RCOR1: variants seen among roughly 807,000 people sequenced by gnomAD.
The protein encoded by RCOR1 is REST corepressor.
In RCOR1, 12 loss-of-function variants were observed where a neutral mutation model predicts 64.0. The observed-to-expected ratio is 0.19, with a 90% CI of 0.12 to 0.30. The LOEUF (loss-of-function observed/expected upper bound fraction) is 0.30. Ranked by LOEUF, RCOR1 falls within the 10% of genes least tolerant of loss-of-function variation. RCOR1 has a pLI of 1.00. For missense variants in RCOR1, 502 were observed against 621.2 expected, an observed-to-expected ratio of 0.81 and a Z score of 2.04; for synonymous variants, 279 against 227.2, an observed-to-expected ratio of 1.23 and a Z score of -2.05.
intron 2 of RCOR1, chr14:102,643,178 A>T (rs1283793667): frequency 5.9e-6 from 1 of 170,566 alleles, no homozygotes; most frequent in Non-Finnish European, 1.2e-5. Flanking sequence ...GCTACTTGGC[A>T]GGCTGAGGCA....
At position 102,719,602 on chromosome 14, in the gene RCOR1, G is replaced by A. The variant is rs192695599; in HGVS notation, c.1054-1405G>A. On this transcript the variant is annotated intron_variant, in intron 8 of 11. Transcript: ENST00000262241. ...ACTCATCCTTTTTTATGGCTGCATAGTATTCCATGGTATATATGCAGCCTA... is the reference window on the plus strand; with the variant it reads ...ACTCATCCTTTTTTATGGCTGCATAATATTCCATGGTATATATGCAGCCTA... Among the ~76,000 whole-genome samples, 29 of 151,742 alleles carry A rather than the reference G, an allele frequency of 1.9e-4. No individual in the cohort carries two copies. The East Asian group carries it at 5.0e-3, about 26-fold the overall frequency.
chr14:102,672,768 T>C (rs1693458952), intron 2 of RCOR1, among the ~76,000 whole-genome samples: 1 of 152,188 alleles, frequency 6.6e-6, no homozygotes, highest in South Asian at 2.1e-4. Flanking sequence ...TTGGTGAGGA[T>C]GTGTAGAAAT....
chr14:102,686,595 T>C (rs1246132459), intron 3 of RCOR1, among the ~76,000 whole-genome samples: 2 of 152,226 alleles, frequency 1.3e-5, no homozygotes, highest in Admixed American at 1.3e-4. Flanking sequence ...CACCTGTTCA[T>C]CTCCCTCTCT....
chr14:102,627,052 C>T (rs1893995732), intron 2 of RCOR1, among the ~76,000 whole-genome samples: 1 of 152,136 alleles, frequency 6.6e-6, no homozygotes, highest in South Asian at 2.1e-4. Flanking sequence ...GTTTAAATGT[C>T]TTACTTTAAT....
At chr14:102,668,261 A>G (rs1304093533) in intron 2 of RCOR1, among the ~76,000 whole-genome samples, 1 of 152,242 alleles carries the variant, frequency 6.6e-6, no homozygotes, top group Non-Finnish European at 1.5e-5. Context: ...TTCTGAGGAT[A>G]GTTACTGCTG....
chr14:102,673,134 C>T (rs1895062187), intron 2 of RCOR1, among the ~76,000 whole-genome samples: 1 of 152,172 alleles, frequency 6.6e-6, no homozygotes. Flanking sequence ...TTAAGAATAT[C>T]TTTATTGTAT....
intron 2 of RCOR1, among the ~76,000 whole-genome samples, chr14:102,639,837 TTC>T (rs1894329354): frequency 6.7e-6 from 1 of 148,174 alleles, no homozygotes; most frequent in South Asian, 2.1e-4. Flanking sequence ...AGCCTATTCA[TTC>T]ATTCATTCAT....
At chr14:102,660,916 G>C (rs751854241) in intron 2 of RCOR1, among the ~76,000 whole-genome samples, 6 of 151,870 alleles carry the variant, frequency 4.0e-5, no homozygotes, top group Non-Finnish European at 8.8e-5. Flanking sequence ...AATTGGTTCA[G>C]ATTAGTTTTT....
intron 2 of RCOR1, among the ~76,000 whole-genome samples, chr14:102,624,595 C>G (rs1488344141): frequency 6.6e-6 from 1 of 152,052 alleles, no homozygotes; most frequent in Non-Finnish European, 1.5e-5. Flanking sequence ...GTGAAACACT[C>G]TCTCTACAAA....
chr14:102,701,885 G>A (rs893521509), intron 4 of RCOR1, among the ~76,000 whole-genome samples: 4 of 152,190 alleles, frequency 2.6e-5, no homozygotes, highest in Admixed American at 2.0e-4. Flanking sequence ...ACACCACCAC[G>A]CCTGGCTAAT....
At chr14:102,673,919 T>A (rs1435333572) in intron 2 of RCOR1, among the ~76,000 whole-genome samples, 1 of 152,224 alleles carries the variant, frequency 6.6e-6, no homozygotes, top group Non-Finnish European at 1.5e-5. Context: ...CCAGCCCCCG[T>A]TGATGTATTT....
intron 2 of RCOR1, among the ~76,000 whole-genome samples, chr14:102,606,854 TAAGAATA>T (rs1893519465): frequency 6.6e-6 from 1 of 151,856 alleles, no homozygotes; most frequent in Non-Finnish European, 1.5e-5. Flanking sequence ...CTGAATTTTC[TAAGAATA>T]TGTGCTTGGT....
chr14:102,707,269 TTTTAC>T, intron 4 of RCOR1, 77 bp from the exon 5 acceptor site: 1 of 1,007,358 alleles, frequency 9.9e-7, no homozygotes. Flanking sequence ...ATGAAGTCGT[TTTTAC>T]TTTTCTTTTG....
intron 2 of RCOR1, among the ~76,000 whole-genome samples, chr14:102,668,447 A>G (rs1426095804): frequency 2.6e-5 from 4 of 152,322 alleles, no homozygotes; most frequent in Admixed American, 1.3e-4. Flanking sequence ...GCAATTAACA[A>G]TCTAGTTGGG....
At chr14:102,613,401 CT>C (rs548380570) in intron 2 of RCOR1, among the ~76,000 whole-genome samples, 159 of 149,326 alleles carry the variant, frequency 1.1e-3, no homozygotes, top group African/African-American at 3.6e-3. Flanking sequence ...CGCACCTGGC[CT>C]TTTTTTTTCT....
chr14:102,676,140 T>C (rs1258964106), intron 2 of RCOR1, among the ~76,000 whole-genome samples: 3 of 150,998 alleles, frequency 2.0e-5, no homozygotes, highest in Non-Finnish European at 4.4e-5. Flanking sequence ...ACCATCCGAT[T>C]TCTCAATTTT....
chr14:102,648,611 T>C (rs910773800), intron 2 of RCOR1, among the ~76,000 whole-genome samples: 2 of 152,226 alleles, frequency 1.3e-5, no homozygotes, highest in African/African-American at 4.8e-5. Flanking sequence ...TATGTGTATT[T>C]ATTTATTAGA....
intron 6 of RCOR1, among the ~76,000 whole-genome samples, chr14:102,709,697 T>C (rs1197783853): frequency 2.0e-5 from 3 of 152,234 alleles, no homozygotes; most frequent in Non-Finnish European, 4.4e-5. Context: ...CTCTGACTTA[T>C]ATACTAGTAG....
intron 2 of RCOR1, among the ~76,000 whole-genome samples, chr14:102,641,651 TG>T (rs576373713): frequency 8.7e-4 from 133 of 152,256 alleles, no homozygotes; most frequent in African/African-American, 3.2e-3. Context: ...CCAGCTACTA[TG>T]ATAGGTGCTT....
Sources: gnomAD v4.1 joint callset for allele counts (sites outside exome capture counted in the v4.1 genomes callset) on GRCh38, gnomAD v4.1.1 for gene constraint, MANE v1.5 for transcripts, NCBI Gene and HGNC (gene_info 2026-07-23, HGNC 2026-07-21) for gene names.